The following WNT11 variants were observed in gnomAD, a reference collection of about 807,000 sequenced individuals.
The protein encoded by WNT11 is Wnt family member 11.
Under a neutral mutation model 35.6 loss-of-function variants are expected in WNT11, and 20 were observed. The observed-to-expected ratio is 0.56, with a 90% confidence interval of 0.40 to 0.82. The LOEUF is 0.82. Ranked by LOEUF, WNT11 falls within the 40% of genes least tolerant of loss-of-function variation. The pLI is 0.00. For synonymous variants in WNT11, 200 were observed against 211.9 expected (o/e 0.94, Z 0.49); for missense variants, 459 against 504.4 (o/e 0.91, Z 0.86).
intron 4 of WNT11, 96 bp downstream of exon 4, chr11:76,191,468 G>T: frequency 7.2e-7 from 1 of 1,387,410 alleles, no homozygotes; most frequent in Non-Finnish European, 9.9e-7. Flanking sequence ...TTCCCCACAT[G>T]CCACCTGAGT....
upstream of WNT11, chr11:76,210,743 C>T (rs1953561471): frequency 6.5e-6 from 6 of 919,450 alleles, no homozygotes; most frequent in Non-Finnish European, 6.5e-6. Context: ...AGCTCTCCTC[C>T]TCGCCTGGCG....
chr11:76,210,732 G>A, upstream of WNT11: 1 of 942,748 alleles, frequency 1.1e-6, no homozygotes, highest in Non-Finnish European at 1.3e-6. Flanking sequence ...CCGCTCGCCC[G>A]AGCTCTCCTC....
chr11:76,187,302 G>A (rs997367723), intron 4 of WNT11, 63 bp from the exon 5 acceptor site: 12 of 1,507,458 alleles, frequency 8.0e-6, no homozygotes, highest in African/African-American at 6.9e-5. Flanking sequence ...AACACCCCAT[G>A]ACTCCCAGCC....
chr11:76,192,141 TCAC>T (rs1438122251), intron 3 of WNT11, among the ~76,000 whole-genome samples: 8 of 152,264 alleles, frequency 5.3e-5, no homozygotes, highest in Non-Finnish European at 8.8e-5. Flanking sequence ...TGGAGATTGA[TCAC>T]CACAACGGCC....
In WNT11 at chr11:76,194,808, G is replaced by T; in HGVS notation, c.356C>A (p.Ala119Asp). 6.5e-7 allele frequency: 1 copy of T among 1,546,202 alleles called. No individual in the cohort carries two copies. The highest frequency in any genetic ancestry group is 8.7e-7 in the Non-Finnish European group (1 of 1,152,602). The change falls in exon 3 of 5, where the codon GCC becomes GAC. Residue 119 changes from alanine (A) to aspartate (D), a missense_variant. Ala to Asp is a moderately radical substitution (Grantham distance 126). Transcript: ENST00000322563. The surrounding 1 kb of genome is among the most constrained non-coding windows in gnomAD (Gnocchi z 5.4). ...GGCGATGGCGTGGCTGATGGCGGCGGCCGACAGCGCATACACGAAGGCCGA... is the reference window on the plus strand; with the variant it reads ...GGCGATGGCGTGGCTGATGGCGGCGTCCGACAGCGCATACACGAAGGCCGA... ...RESAFVYALS[A>D]AAISHAIARA... is the part of the protein sequence containing the mutation.
intron 1 of WNT11, among the ~76,000 whole-genome samples, chr11:76,201,381 T>C (rs983015299): frequency 6.6e-6 from 1 of 152,228 alleles, no homozygotes; most frequent in Non-Finnish European, 1.5e-5. Context: ...CATGCGGTCA[T>C]CTGGTAATTA....
At chr11:76,195,160 C>G (rs1241461732) in intron 2 of WNT11, 4 of 378,018 alleles carry the variant, frequency 1.1e-5, no homozygotes, top group African/African-American at 2.0e-5. Flanking sequence ...GGCCCAGGCT[C>G]TGAGCTCCTG....
upstream of WNT11, among the ~76,000 whole-genome samples, chr11:76,207,952 GAC>G (rs1460114070): frequency 6.6e-6 from 1 of 152,252 alleles, no homozygotes; most frequent in African/African-American, 2.4e-5. Flanking sequence ...GAGGAGCAGA[GAC>G]AAAGGGATTC....
rs1953476212 is a variant in WNT11 at position 76,206,444 on chromosome 11, A to G, written c.-37T>C. On this transcript the variant is annotated 5_prime_UTR_variant, in exon 1 of 5. Coordinates refer to ENST00000322563, the MANE Select transcript of WNT11 (RefSeq NM_004626.3). ...GGGCGCGCCCGGGGTCACACCCAGG[A>G]GGAGCCGCGCCGAAGTCCTCCGCCT... is the stretch of plus-strand genomic sequence containing the variant. 7.1e-7 allele frequency: 1 copy of G among 1,410,266 alleles called. No individual in the cohort carries two copies. Among genetic ancestry groups the G allele is most frequent in the Non-Finnish European group, 9.2e-7 (1 of 1,083,086 alleles). The allele number at this position is 1,410,266 out of a possible 1,614,324, so 87.4% of individuals were successfully genotyped here.
At chr11:76,200,914 T>A (rs1591309848) in intron 1 of WNT11, among the ~76,000 whole-genome samples, 1 of 152,230 alleles carries the variant, frequency 6.6e-6, no homozygotes, top group African/African-American at 2.4e-5. Context: ...TGTCTTTCCC[T>A]GGGCTCCGGC....
At chr11:76,189,509 A>G (rs1400574205) in intron 4 of WNT11, among the ~76,000 whole-genome samples, 3 of 152,206 alleles carry the variant, frequency 2.0e-5, no homozygotes, top group African/African-American at 7.2e-5. Context: ...TGGTTTCCCC[A>G]GGTTAGATTT....
At chr11:76,207,352 A>C (rs1238399487), upstream of WNT11, among the ~76,000 whole-genome samples, 3 of 152,216 alleles carry the variant, frequency 2.0e-5, no homozygotes, top group Non-Finnish European at 2.9e-5. Flanking sequence ...GACAAGAGCG[A>C]AACTCCGTCT....
chr11:76,189,982 C>T (rs1418214804), intron 4 of WNT11, among the ~76,000 whole-genome samples: 2 of 151,830 alleles, frequency 1.3e-5, no homozygotes, highest in Non-Finnish European at 2.9e-5. Flanking sequence ...GTAAGTGGTG[C>T]TGAGGGCGGG....
chr11:76,191,492 G>A (rs900718399), intron 4 of WNT11, 72 bp downstream of exon 4: 85 of 1,519,494 alleles, frequency 5.6e-5, no homozygotes, highest in Middle Eastern at 1.9e-4. Context: ...TGCTGTGTGC[G>A]TGACCCTGAG....
rs1452154817 is a variant in WNT11 at position 76,194,436 on chromosome 11, G to A, written c.597+131C>T. 8.2e-6 allele frequency: 9 copies of A among 1,096,554 alleles called. No homozygotes were observed. The South Asian group carries it at 8.2e-5, about 10-fold the overall frequency. The allele number at this position is 1,096,554 out of a possible 1,614,324, so 67.9% of individuals were successfully genotyped here. A position where few individuals can be genotyped will look rare whatever the true frequency, so the allele number is the denominator to read the frequency against. ...GAAGGGCTGAGGATGAGGATGGTGC[G>A]AGGCACATCAGGTGTGGGCCAGTCA... On this transcript the variant is annotated intron_variant, in intron 3 of 4. Transcript: ENST00000322563. The surrounding 1 kb of genome is among the most constrained non-coding windows in gnomAD (Gnocchi z 5.4).
In WNT11 at chr11:76,191,683, G is replaced by C. The variant is rs1464050217; in HGVS notation, c.771C>G (p.His257Gln). ...VVHRPMGTRK[H>Q]LVPKDLDIRP... ...GGATATCCAGGTCCTTGGGCACCAG[G>C]TGCTTGCGGGTGCCCATGGGTCGGT... The change falls in exon 4 of 5, where the codon CAC becomes CAG. Residue 257 changes from histidine (H) to glutamine (Q), a missense_variant. By Grantham distance (24) the His-to-Gln change is conservative. Transcript: ENST00000322563. 1 of 1,613,916 alleles carries C rather than the reference G, an allele frequency of 6.2e-7. No homozygotes were observed. Among genetic ancestry groups the C allele is most frequent in the Non-Finnish European group, 8.5e-7 (1 of 1,180,052 alleles).
At chr11:76,193,711 G>A (rs1953224454) in intron 3 of WNT11, among the ~76,000 whole-genome samples, 3 of 152,226 alleles carry the variant, frequency 2.0e-5, no homozygotes, top group African/African-American at 7.2e-5. Flanking sequence ...TGTGCCGTGG[G>A]GCTGAGCCGC....
intron 4 of WNT11, among the ~76,000 whole-genome samples, 198 bp downstream of exon 4, chr11:76,191,366 G>A (rs1292463107): frequency 6.6e-6 from 1 of 152,200 alleles, no homozygotes; most frequent in Non-Finnish European, 1.5e-5. Flanking sequence ...TGCAGAACAG[G>A]CGCTCCCAGC....
chr11:76,210,098 C>G (rs1953540378), upstream of WNT11, among the ~76,000 whole-genome samples: 2 of 151,878 alleles, frequency 1.3e-5, no homozygotes, highest in Non-Finnish European at 2.9e-5. Context: ...TCCCCCACCC[C>G]CGGGGGTGGC....
Sources: gnomAD v4.1 joint callset for allele counts (sites outside exome capture counted in the v4.1 genomes callset) on GRCh38, gnomAD v4.1.1 for gene constraint, Gnocchi (gnomAD v3.1) non-coding constraint, MANE v1.5 for transcripts, NCBI Gene and HGNC (gene_info 2026-07-23, HGNC 2026-07-21) for gene names.